Variants in CSMD1 observed in about 807,000 individuals in gnomAD.
CSMD1 encodes the protein CUB and Sushi multiple domains 1.
Under a neutral mutation model 417.5 loss-of-function variants are expected in CSMD1, and 213 were observed. The ratio of observed to expected loss-of-function variants is 0.51; its 90% confidence interval spans 0.46 to 0.57. The LOEUF is 0.57. Ranked by LOEUF, CSMD1 falls within the 20% of genes least tolerant of loss-of-function variation. The pLI, the probability that CSMD1 is intolerant of heterozygous loss-of-function variation, is 0.00. For missense variants in CSMD1, 6,923 were observed against 4,529.7 expected, an observed-to-expected ratio of 1.53 and a Z score of -15.17; for synonymous variants, 2,862 against 1,736.8, an observed-to-expected ratio of 1.65 and a Z score of -16.11.
intron 1 of CSMD1, among the ~76,000 whole-genome samples, chr8:4,729,907 G>A (rs1363971414): frequency 6.6e-6 from 1 of 152,094 alleles, no homozygotes; most frequent in Non-Finnish European, 1.5e-5. Flanking sequence ...ACTTCAGCGG[G>A]AGTTTTGATT....
intron 2 of CSMD1, among the ~76,000 whole-genome samples, chr8:4,546,526 C>A (rs1018765654): frequency 2.6e-5 from 4 of 152,172 alleles, no homozygotes; most frequent in Admixed American, 2.6e-4. Flanking sequence ...TTTTCCAGAG[C>A]TGGGACCTCC....
chr8:3,764,858 T>C (rs753315834), intron 5 of CSMD1, among the ~76,000 whole-genome samples: 3 of 151,620 alleles, frequency 2.0e-5, no homozygotes, highest in Non-Finnish European at 4.4e-5. Context: ...GGGATTCTCA[T>C]GCCTCAGCCT....
intron 2 of CSMD1, among the ~76,000 whole-genome samples, chr8:4,611,650 G>C (rs1245725583): frequency 3.3e-5 from 5 of 152,076 alleles, no homozygotes; most frequent in African/African-American, 1.2e-4. Context: ...TTTGTTAAGA[G>C]AAAAAGTGTG....
At chr8:3,793,111 G>A (rs1395307704) in intron 5 of CSMD1, among the ~76,000 whole-genome samples, 1 of 152,154 alleles carries the variant, frequency 6.6e-6, no homozygotes, top group Non-Finnish European at 1.5e-5. Context: ...GTCTCGAGGA[G>A]GATACCCACA....
intron 1 of CSMD1, among the ~76,000 whole-genome samples, chr8:4,789,008 G>C (rs1375405143): frequency 1.3e-5 from 2 of 152,104 alleles, no homozygotes; most frequent in Non-Finnish European, 2.9e-5. Flanking sequence ...TCTCAGCCTT[G>C]AAATCAGACT....
At chr8:2,971,975 A>G (rs1327913299) in intron 57 of CSMD1, among the ~76,000 whole-genome samples, 1 of 152,134 alleles carries the variant, frequency 6.6e-6, no homozygotes, top group Non-Finnish European at 1.5e-5. Flanking sequence ...TGCCTATATT[A>G]TATGCATATA....
At position 3,157,901 on chromosome 8, in the gene CSMD1, G is replaced by A. The variant is rs1819635168; in HGVS notation, c.5910C>T (p.Cys1970=). The A allele has an allele frequency of 6.4e-7, 1 of 1,553,136 alleles. No homozygotes were observed. The highest frequency in any genetic ancestry group is 8.7e-7 in the Non-Finnish European group (1 of 1,147,634). Residue 1970 remains cysteine, a synonymous_variant, in exon 39 of 70, where the codon TGC becomes TGT. Coordinates refer to ENST00000635120, the MANE Select transcript of CSMD1 (RefSeq NM_033225.6). ...TTACAGAAGGTGCATCCTTACCAAT[G>A]CACAGGGGAGACGGATAGTTCCAAC... is the stretch of plus-strand genomic sequence containing the variant. ...VRRWNYPSPL[C]IATCGGTLST...
In CSMD1 at chr8:3,357,490, C is replaced by G. The variant is rs551030209; in HGVS notation, c.3304+1662G>C. Among the ~76,000 whole-genome samples, 6 of 152,338 alleles carry G rather than the reference C, an allele frequency of 3.9e-5. No homozygotes were observed. In the East Asian group the frequency reaches 9.7e-4, roughly 25 times the overall value. ...CACTGTTTAATAAATAGTACCTATTCTTCCAACTCTAGTTACTGAGTTTTC... is the reference window on the plus strand; with the variant it reads ...CACTGTTTAATAAATAGTACCTATTGTTCCAACTCTAGTTACTGAGTTTTC... On this transcript the variant is annotated intron_variant, in intron 21 of 69. Coordinates refer to ENST00000635120, the MANE Select transcript of CSMD1 (RefSeq NM_033225.6).
intron 25 of CSMD1, among the ~76,000 whole-genome samples, chr8:3,301,507 G>C (rs1159034831): frequency 6.6e-6 from 1 of 152,162 alleles, no homozygotes; most frequent in African/African-American, 2.4e-5. Flanking sequence ...GAATATTTCT[G>C]GATGGGATAA....
intron 26 of CSMD1, among the ~76,000 whole-genome samples, chr8:3,238,082 G>A (rs1249135923): frequency 3.3e-5 from 5 of 152,032 alleles, no homozygotes; most frequent in South Asian, 2.1e-4. Context: ...GGCTGAGTCC[G>A]AAAAGAGAGT....
intron 5 of CSMD1, among the ~76,000 whole-genome samples, chr8:3,997,276 T>C (rs769344140): frequency 5.3e-5 from 8 of 152,236 alleles, no homozygotes; most frequent in Non-Finnish European, 8.8e-5. Flanking sequence ...ATTCTTGCAA[T>C]CACGACCATC....
intron 4 of CSMD1, among the ~76,000 whole-genome samples, chr8:4,010,669 G>A (rs574326012): frequency 6.6e-6 from 1 of 152,098 alleles, no homozygotes; most frequent in Non-Finnish European, 1.5e-5. Flanking sequence ...ATGGGACCTA[G>A]AGTTCCCTGA....
chr8:4,964,700 T>C (rs757187788), intron 1 of CSMD1, among the ~76,000 whole-genome samples: 1 of 152,042 alleles, frequency 6.6e-6, no homozygotes, highest in South Asian at 2.1e-4. Context: ...TTCCAGAAAC[T>C]CAGTTATGGT....
chr8:4,702,454 T>C (rs1383635019), intron 1 of CSMD1, among the ~76,000 whole-genome samples: 1 of 152,146 alleles, frequency 6.6e-6, no homozygotes, highest in African/African-American at 2.4e-5. Context: ...CTCTGGAACA[T>C]TCTAAATAGT....
intron 50 of CSMD1, among the ~76,000 whole-genome samples, chr8:3,036,702 A>G (rs182609099): frequency 7.3e-4 from 111 of 152,272 alleles, no homozygotes; most frequent in Non-Finnish European, 1.4e-3. Flanking sequence ...TTTTGGGGAA[A>G]ACTAGGATAC....
At chr8:4,227,306 C>G (rs1016436241) in intron 3 of CSMD1, among the ~76,000 whole-genome samples, 1 of 152,074 alleles carries the variant, frequency 6.6e-6, no homozygotes, top group African/African-American at 2.4e-5. Context: ...TGGGGGCTGT[C>G]GTGGCCTCTC....
At chr8:4,902,151 T>C (rs1167138058) in intron 1 of CSMD1, among the ~76,000 whole-genome samples, 1 of 152,168 alleles carries the variant, frequency 6.6e-6, no homozygotes, top group African/African-American at 2.4e-5. Flanking sequence ...GAAAAATGCC[T>C]GTCAACCCAG....
intron 5 of CSMD1, among the ~76,000 whole-genome samples, chr8:3,979,825 A>C (rs1329196218): frequency 1.3e-5 from 2 of 152,230 alleles, no homozygotes; most frequent in Non-Finnish European, 2.9e-5. Flanking sequence ...ACCCATGAAG[A>C]AAATGTAGAG....
intron 1 of CSMD1, among the ~76,000 whole-genome samples, chr8:4,684,233 A>G (rs1453811831): frequency 6.6e-6 from 1 of 152,248 alleles, no homozygotes; most frequent in South Asian, 2.1e-4. Flanking sequence ...TCTTCTTTAT[A>G]CTTCGGACAA....
Sources: gnomAD v4.1 joint callset for allele counts (sites outside exome capture counted in the v4.1 genomes callset) on GRCh38, gnomAD v4.1.1 for gene constraint, MANE v1.5 for transcripts, NCBI Gene and HGNC (gene_info 2026-07-23, HGNC 2026-07-21) for gene names.